Variants in MCCD1 observed in about 807,000 individuals in gnomAD.
MCCD1 encodes mitochondrial coiled-coil domain protein 1.
Under a neutral mutation model 5.6 loss-of-function variants are expected in MCCD1, and 5 were observed. That is an observed-to-expected ratio of 0.89 (90% CI 0.46 to 1.87). The LOEUF (loss-of-function observed/expected upper bound fraction) is 1.87. Among genes scored for constraint, MCCD1 ranks in the 40% most tolerant of loss-of-function variants. The pLI is 0.01. For synonymous variants in MCCD1, 70 were observed against 57.3 expected, an observed-to-expected ratio of 1.22 and a Z score of -1.00; for missense variants, 178 against 141.8, an observed-to-expected ratio of 1.26 and a Z score of -1.30.
Position 31,529,682 on chromosome 6 carries a change from C to A in MCCD1, c.172-65C>A, listed in dbSNP as rs970654883. 4 of 1,379,232 alleles carry A rather than the reference C, an allele frequency of 2.9e-6. No homozygotes were observed. In the African/African-American group the frequency reaches 5.9e-5, roughly 20 times the overall value. The allele number at this position is 1,379,232 out of a possible 1,614,324, so 85.4% of individuals were successfully genotyped here. The stretch of plus-strand genomic sequence containing the variant: ...TCTCACTTCCAGCCACAGCCTGCAA[C>A]AAAGCTTCCCAGGGCCTCAGCCCCC... On this transcript the variant is annotated intron_variant, in intron 1 of 1. Transcript: ENST00000376191.
chr6:31,529,321 A>G, intron 1 of MCCD1, 136 bp downstream of exon 1: 1 of 968,572 alleles, frequency 1.0e-6, no homozygotes, highest in Admixed American at 2.9e-5. Context: ...TCAGCTACCA[A>G]CTCCTCTCCC....
intron 1 of MCCD1, 56 bp downstream of exon 1, chr6:31,529,241 G>GA (rs3214307): frequency 0.035 from 52,754 of 1,521,706 alleles, 2,445 homozygotes; most frequent in East Asian, 0.28. Flanking sequence ...TGGGGTGTGG[G>GA]AAAAAAAAAC....
chr6:31,529,928 G>A lies in MCCD1; in HGVS notation c.353G>A (p.Gly118Asp). 4.6e-6 allele frequency: 7 copies of A among 1,520,666 alleles called. No homozygotes were observed. Among genetic ancestry groups the A allele is most frequent in the Non-Finnish European group, 6.2e-6 (7 of 1,128,876 alleles). The allele number at this position is 1,520,666 out of a possible 1,614,324, so 94.2% of individuals were successfully genotyped here. ...AGGCACCAAGAGAGCCTTGGAGGAGGCGCCTAAGTTTCCCCCAGTGCCCAC... is the reference window on the plus strand; with the variant it reads ...AGGCACCAAGAGAGCCTTGGAGGAGACGCCTAAGTTTCCCCCAGTGCCCAC... ...MRRHQESLGG[G>D]A is the part of the protein sequence containing the mutation. Residue 118 changes from glycine to aspartate, a missense_variant, in exon 2 of 2, where the codon GGC (glycine) becomes GAC (aspartate). By Grantham distance (94) the Gly-to-Asp change is moderately conservative (BLOSUM62 -1). Coordinates refer to ENST00000376191, the MANE Select transcript of MCCD1 (RefSeq NM_001011700.3).
In MCCD1 at chr6:31,530,195, A is replaced by T. The variant is rs1672727654; in HGVS notation, c.*260A>T. On this transcript the variant is annotated 3_prime_UTR_variant, in exon 2 of 2. Transcript: ENST00000376191. This position sits in a 1 kb window ranked among gnomAD's most constrained non-coding sequence, Gnocchi z 4.5. ...CCATGCCCTAAAATAACCTCACCCC[A>T]AATACAATAAAGGGACGAAGCACTT... The T allele has an allele frequency of 1.3e-6, 1 of 793,256 alleles. No individual in the cohort carries two copies. Among genetic ancestry groups the T allele is most frequent in the Non-Finnish European group, 1.9e-6 (1 of 513,414 alleles). 49.1% of individuals were successfully genotyped at this position (793,256 alleles called of 1,614,324 possible).
chr6:31,529,458 G>C (rs1766886930), intron 1 of MCCD1, among the ~76,000 whole-genome samples: 1 of 150,606 alleles, frequency 6.6e-6, no homozygotes, highest in East Asian at 2.0e-4. Flanking sequence ...TTTCTTAGCG[G>C]GGAGGAGCAG....
In MCCD1 at chr6:31,529,791, GT is replaced by G. The variant is rs773528321; in HGVS notation, c.218del (p.Leu73CysfsTer32). The G allele has an allele frequency of 1.9e-6, 3 of 1,576,992 alleles. No homozygotes were observed. Among genetic ancestry groups the G allele is most frequent in the Middle Eastern group, 4.5e-4 (2 of 4,490 alleles). On this transcript the variant is annotated frameshift_variant, in exon 2 of 2. Transcript: ENST00000376191. LOFTEE classifies it low-confidence loss of function (END_TRUNC). ...CAGCTGAGCTGGCCCGAGCTGAAGA[GT>G]TGTTGGAGCAGCAGCTGGAGCTGTA... ...RTAELARAEE[L>X]LEQQLELYQA...
Position 31,529,053 on chromosome 6 carries a change from C to A in MCCD1, c.39C>A (p.Phe13Leu), listed in dbSNP as rs748522696. 6.2e-7 allele frequency: 1 copy of A among 1,612,326 alleles called. No homozygotes were observed. Among genetic ancestry groups the A allele is most frequent in the South Asian group, 1.1e-5 (1 of 90,940 alleles). Residue 13 changes from phenylalanine to leucine, a missense_variant, in exon 1 of 2, where the codon TTC (phenylalanine) becomes TTA (leucine). By Grantham distance (22) the Phe-to-Leu change is conservative. Transcript: ENST00000376191. ...LPLPWLSRYH[F>L]LRLLLPSWSL... ...TGCCCTGGCTCTCTCGGTACCATTT[C>A]CTTCGCCTCCTTCTGCCCTCCTGGT...
At chr6:31,529,571 T>C (rs1766899412) in intron 1 of MCCD1, among the ~76,000 whole-genome samples, 176 bp from the exon 2 acceptor site, 1 of 152,144 alleles carries the variant, frequency 6.6e-6, no homozygotes, top group Non-Finnish European at 1.5e-5. Flanking sequence ...CCCAGAGGCC[T>C]ATGCCCAAGA....
At chr6:31,529,241 GAAA>G (rs3214307) in intron 1 of MCCD1, 56 bp downstream of exon 1, 4 of 1,528,088 alleles carry the variant, frequency 2.6e-6, no homozygotes, top group Non-Finnish European at 3.6e-6. Flanking sequence ...TGGGGTGTGG[GAAA>G]AAAAAACCCT....
rs1766988844 is a variant in MCCD1, at chr6:31,530,153, T to C, written c.*218T>C. ...CAGCAGGCAGGGCACCCAGGCCTTATAGGAATTCACCCTGGACCATGCCCT... is the reference window on the plus strand; with the variant it reads ...CAGCAGGCAGGGCACCCAGGCCTTACAGGAATTCACCCTGGACCATGCCCT... On this transcript the variant is annotated 3_prime_UTR_variant, in exon 2 of 2. Coordinates refer to ENST00000376191, the MANE Select transcript of MCCD1 (RefSeq NM_001011700.3). This position sits in a 1 kb window ranked among gnomAD's most constrained non-coding sequence, Gnocchi z 4.5. The C allele has an allele frequency of 1.1e-5, 11 of 988,716 alleles. No homozygotes were observed. The highest frequency in any genetic ancestry group is 1.6e-5 in the African/African-American group (1 of 60,724). 61.2% of individuals were successfully genotyped at this position (988,716 alleles called of 1,614,324 possible).
In MCCD1 at chr6:31,529,177, C is replaced by G. The variant is rs1243050292; in HGVS notation, c.163C>G (p.Pro55Ala). ...SSRGNGKMTS[P>A]PRGPGTHRTA... is the part of the protein sequence containing the mutation. ...CAGAGGAAATGGGAAGATGACGTCC[C>G]CTCCCAGGGTAAGTGGCACCACAGG... is the stretch of plus-strand genomic sequence containing the variant. Residue 55 changes from proline to alanine, a missense_variant, in exon 1 of 2, where the codon CCT (proline) becomes GCT (alanine). Transcript: ENST00000376191. The G allele has an allele frequency of 6.2e-7, 1 of 1,612,188 alleles. No homozygotes were observed. The highest frequency in any genetic ancestry group is 1.3e-5 in the African/African-American group (1 of 74,834).
chr6:31,529,241 GAAAA>G, intron 1 of MCCD1, 56 bp downstream of exon 1: 1 of 1,528,156 alleles, frequency 6.5e-7, no homozygotes, highest in Admixed American at 1.9e-5. Flanking sequence ...TGGGGTGTGG[GAAAA>G]AAAAACCCTC....
At position 31,530,174 on chromosome 6, in the gene MCCD1, G is replaced by A. The variant is rs1766992109; in HGVS notation, c.*239G>A. ...CTTATAGGAATTCACCCTGGACCAT[G>A]CCCTAAAATAACCTCACCCCAAATA... On this transcript the variant is annotated 3_prime_UTR_variant, in exon 2 of 2. Transcript: ENST00000376191. The surrounding 1 kb of genome is among the most constrained non-coding windows in gnomAD (Gnocchi z 4.5). 3.5e-6 allele frequency: 3 copies of A among 865,006 alleles called. No homozygotes were observed. Among genetic ancestry groups the A allele is most frequent in the East Asian group, 2.7e-5 (1 of 36,650 alleles). 53.6% of individuals were successfully genotyped at this position (865,006 alleles called of 1,614,324 possible). A position where few individuals can be genotyped will look rare whatever the true frequency, so the allele number is the denominator to read the frequency against.
Position 31,530,023 on chromosome 6 carries a change from C to A in MCCD1, c.*88C>A. The A allele has an allele frequency of 7.0e-7, 1 of 1,427,748 alleles. No homozygotes were observed. Among genetic ancestry groups the A allele is most frequent in the Non-Finnish European group, 9.2e-7 (1 of 1,087,304 alleles). 88.4% of individuals were successfully genotyped at this position (1,427,748 alleles called of 1,614,324 possible). Reference sequence around the variant, plus strand: ...CTTGGGATCATAAACACCCCAGCGTCTTCCCAGGCCAGAGAAAGTGGAAGA... The same window carrying A: ...CTTGGGATCATAAACACCCCAGCGTATTCCCAGGCCAGAGAAAGTGGAAGA... On this transcript the variant is annotated 3_prime_UTR_variant, in exon 2 of 2. Transcript: ENST00000376191. The surrounding 1 kb of genome is among the most constrained non-coding windows in gnomAD (Gnocchi z 4.5).
chr6:31,529,222 A>T (rs1766849673), intron 1 of MCCD1, 37 bp downstream of exon 1: 1 of 1,596,924 alleles, frequency 6.3e-7, no homozygotes, highest in African/African-American at 1.3e-5. Flanking sequence ...AGGGTGTGAG[A>T]ATTTACACTG....
rs780825586 is a variant in MCCD1 at position 31,529,022 on chromosome 6, TCC to T, written c.10_11del (p.Pro4SerfsTer62). The T allele has an allele frequency of 6.2e-7, 1 of 1,611,962 alleles. No homozygotes were observed. Among genetic ancestry groups the T allele is most frequent in the South Asian group, 1.1e-5 (1 of 91,026 alleles). ...CCTGCCAGGTCACCCGCCATGGTCC[TCC>T]CTCTGCCCTGGCTCTCTCGGTACCA... On this transcript the variant is annotated frameshift_variant, in exon 1 of 2. Transcript: ENST00000376191. LOFTEE classifies it high-confidence loss of function.
rs1766958505 is a variant in MCCD1, at chr6:31,529,935, A to C, written c.360A>C (p.Ter120TyrextTer12). The C allele has an allele frequency of 1.3e-6, 2 of 1,500,792 alleles. No individual in the cohort carries two copies. Among genetic ancestry groups the C allele is most frequent in the Non-Finnish European group, 1.8e-6 (2 of 1,117,634 alleles). 93.0% of individuals were successfully genotyped at this position (1,500,792 alleles called of 1,614,324 possible). ...AAGAGAGCCTTGGAGGAGGCGCCTA[A>C]GTTTCCCCCAGTGCCCACAGCACCC... is the stretch of plus-strand genomic sequence containing the variant. Reference protein sequence around the residue: ...RHQESLGGGA* With the variant: ...RHQESLGGGAY The change falls in exon 2 of 2, where the codon TAA becomes TAC. Residue 120 changes from the stop codon to tyrosine (Y), a stop_lost. Transcript: ENST00000376191.
Position 31,529,903 on chromosome 6 carries a change from A to G in MCCD1, c.328A>G (p.Arg110Gly), listed in dbSNP as rs139861886. The G allele has an allele frequency of 6.5e-7, 1 of 1,548,232 alleles. No homozygotes were observed. Among genetic ancestry groups the G allele is most frequent in the African/African-American group, 1.4e-5 (1 of 73,456 alleles). ...KIQKLKEQMR[R>G]HQESLGGGA is the part of the protein sequence containing the mutation. ...CCAGAAGCTGAAGGAACAGATGAGG[A>G]GGCACCAAGAGAGCCTTGGAGGAGG... is the stretch of plus-strand genomic sequence containing the variant. The change falls in exon 2 of 2, where the codon AGG (arginine) becomes GGG (glycine). Residue 110 changes from arginine to glycine, a missense_variant. Transcript: ENST00000376191.
At chr6:31,529,288 AC>A in intron 1 of MCCD1, 103 bp downstream of exon 1, 1 of 1,188,764 alleles carries the variant, frequency 8.4e-7, no homozygotes. Context: ...CACCATGCCT[AC>A]CCCTGCAGCT....
Sources: allele counts gnomAD v4.1 joint callset (sites outside exome capture counted in the v4.1 genomes callset), GRCh38; gene constraint gnomAD v4.1.1; non-coding constraint Gnocchi (gnomAD v3.1); transcripts MANE v1.5; gene names NCBI Gene and HGNC (gene_info 2026-07-23, HGNC 2026-07-21).